Variants in PDE7B observed in about 807,000 individuals in gnomAD.
PDE7B encodes the protein phosphodiesterase 7B.
In PDE7B, 29 loss-of-function variants were observed where a neutral mutation model predicts 56.2. The ratio of observed to expected loss-of-function variants is 0.52; its 90% CI spans 0.38 to 0.70. The LOEUF (loss-of-function observed/expected upper bound fraction) is 0.70, where lower values mean the gene tolerates loss of function less well. Among genes scored for constraint, PDE7B ranks in the 30% least tolerant of loss-of-function variants. PDE7B has a pLI of 0.00. For synonymous variants in PDE7B, 197 were observed against 196.9 expected (o/e 1.00, Z 0.00); for missense variants, 490 against 565.0 (o/e 0.87, Z 1.35).
rs116044075 is a variant in PDE7B, at chr6:136,130,637, G to A, written c.167-16714G>A. 7.6e-3 allele frequency among the ~76,000 whole-genome samples: 1,165 copies of A among 152,304 alleles called. 13 individuals are homozygous for A. Among genetic ancestry groups the A allele is most frequent in the African/African-American group, 0.026 (1,077 of 41,546 alleles). On this transcript the variant is annotated intron_variant, in intron 3 of 12. Coordinates refer to ENST00000308191, the MANE Select transcript of PDE7B (RefSeq NM_018945.4). ...ACATAAGTAGTGAAGGGGATAAAGA[G>A]CCAATCCCATCACCTTCCTCTGGGT...
chr6:135,965,246 T>A (rs973386913), intron 2 of PDE7B, among the ~76,000 whole-genome samples: 3 of 151,958 alleles, frequency 2.0e-5, no homozygotes, highest in Non-Finnish European at 4.4e-5. Flanking sequence ...GGAGTAACAG[T>A]GGTAGAGGCG....
At chr6:136,130,587 C>T (rs1035861984) in intron 3 of PDE7B, among the ~76,000 whole-genome samples, 6 of 152,172 alleles carry the variant, frequency 3.9e-5, no homozygotes, top group Admixed American at 1.3e-4. Flanking sequence ...TAAAACCTTC[C>T]TTACCTGCCA....
intron 2 of PDE7B, among the ~76,000 whole-genome samples, chr6:136,035,861 TTC>T (rs1339677912): frequency 1.3e-5 from 2 of 152,236 alleles, no homozygotes; most frequent in Non-Finnish European, 2.9e-5. Context: ...AAGTGTTGTG[TTC>T]TTAGTACATT....
At chr6:136,086,703 T>C (rs1341253606) in intron 2 of PDE7B, among the ~76,000 whole-genome samples, 1 of 152,234 alleles carries the variant, frequency 6.6e-6, no homozygotes, top group African/African-American at 2.4e-5. Context: ...GGGTGAATTT[T>C]AGTTACATCT....
chr6:135,991,200 C>A (rs1228101193), intron 2 of PDE7B, among the ~76,000 whole-genome samples: 1 of 152,080 alleles, frequency 6.6e-6, no homozygotes, highest in Non-Finnish European at 1.5e-5. Flanking sequence ...ACCTGTATCT[C>A]GTGCCAACAT....
intron 2 of PDE7B, among the ~76,000 whole-genome samples, chr6:136,003,031 C>A (rs1485185569): frequency 6.6e-6 from 1 of 151,730 alleles, no homozygotes; most frequent in Non-Finnish European, 1.5e-5. Context: ...CAAACTAGAA[C>A]TCAGGATTAA....
intron 2 of PDE7B, among the ~76,000 whole-genome samples, chr6:136,027,461 C>T (rs1776171382): frequency 6.6e-6 from 1 of 152,010 alleles, no homozygotes; most frequent in African/African-American, 2.4e-5. Flanking sequence ...AAATAATCAG[C>T]AAAAACATAA....
intron 8 of PDE7B, among the ~76,000 whole-genome samples, chr6:136,158,263 G>A (rs1012685982): frequency 1.3e-5 from 2 of 152,160 alleles, no homozygotes; most frequent in African/African-American, 2.4e-5. Context: ...TTCCTAGGGA[G>A]AGGGTCTATA....
At chr6:135,931,751 T>C (rs1011631874) in intron 1 of PDE7B, among the ~76,000 whole-genome samples, 7 of 152,114 alleles carry the variant, frequency 4.6e-5, no homozygotes, top group African/African-American at 1.7e-4. Flanking sequence ...TTTTGGAACA[T>C]TTTGAGGCTT....
intron 2 of PDE7B, among the ~76,000 whole-genome samples, chr6:136,068,043 T>C (rs1277112612): frequency 2.0e-5 from 3 of 152,212 alleles, no homozygotes; most frequent in Non-Finnish European, 4.4e-5. Flanking sequence ...AACAGTTCAA[T>C]TGTTAGCTGC....
At chr6:136,047,034 T>C (rs1432394040) in intron 2 of PDE7B, among the ~76,000 whole-genome samples, 1 of 152,148 alleles carries the variant, frequency 6.6e-6, no homozygotes, top group Admixed American at 6.5e-5. Flanking sequence ...CCCACGGACA[T>C]ACATCAAAAA....
intron 1 of PDE7B, among the ~76,000 whole-genome samples, chr6:135,932,124 G>C (rs977993964): frequency 2.0e-5 from 3 of 151,962 alleles, no homozygotes; most frequent in African/African-American, 7.3e-5. Context: ...AAATTTATAG[G>C]AAATTCAGGA....
chr6:136,042,236 G>A (rs1776425527), intron 2 of PDE7B, among the ~76,000 whole-genome samples: 1 of 152,206 alleles, frequency 6.6e-6, no homozygotes, highest in African/African-American at 2.4e-5. Context: ...ACCCATGTGG[G>A]GAGTGGGGAG....
intron 2 of PDE7B, among the ~76,000 whole-genome samples, chr6:136,011,161 AAAAACAAAAC>A (rs756137268): frequency 3.3e-5 from 5 of 152,182 alleles, no homozygotes; most frequent in African/African-American, 4.8e-5. Context: ...TCCCCATCAA[AAAAACAAAAC>A]AAAACAAAAC....
Position 136,143,618 on chromosome 6 carries a change from T to TG in PDE7B, c.167-3732dup, listed in dbSNP as rs533474325. Among the ~76,000 whole-genome samples the TG allele has an allele frequency of 3.9e-3, 594 of 152,134 alleles. 3 individuals are homozygous for TG. The highest frequency in any genetic ancestry group is 0.014 in the African/African-American group (563 of 41,542). On this transcript the variant is annotated intron_variant, in intron 3 of 12. Transcript: ENST00000308191. The stretch of plus-strand genomic sequence containing the variant: ...TTACTATTATTCATTTGACTCTAGG[T>TG]GAAGAAAAATAGGTAAGGAATCATG...
chr6:135,934,042 T>C (rs6934255), intron 1 of PDE7B, among the ~76,000 whole-genome samples: 1,532 of 152,284 alleles, frequency 0.01, 30 homozygotes, highest in African/African-American at 0.035. Flanking sequence ...CTCTATTTGG[T>C]ATTTGCATTT....
In PDE7B at chr6:135,934,736, A is replaced by AT. The variant is rs1291569024; in HGVS notation, c.22-12728_22-12727insT. On this transcript the variant is annotated intron_variant, in intron 1 of 12. Coordinates refer to ENST00000308191, the MANE Select transcript of PDE7B (RefSeq NM_018945.4). ...AAGAGTGAAACTCTGTCTCAAAAAAAAAAATATATATATATATATTTTTTA... is the reference window on the plus strand; with the variant it reads ...AAGAGTGAAACTCTGTCTCAAAAAAATAAAATATATATATATATATTTTTTA... Among the ~76,000 whole-genome samples the AT allele has an allele frequency of 0.016, 1,338 of 83,154 alleles. 38 individuals carry two copies. The East Asian group carries it at 0.17, about 10-fold the overall frequency. The allele number at this position is 83,154 out of a possible 152,430, so 54.6% of individuals were successfully genotyped here.
chr6:135,873,841 A>G (rs962549126), intron 1 of PDE7B, among the ~76,000 whole-genome samples: 9 of 152,316 alleles, frequency 5.9e-5, no homozygotes, highest in South Asian at 4.1e-4. Context: ...ACAGACATCC[A>G]TGTATCCACC....
intron 1 of PDE7B, among the ~76,000 whole-genome samples, chr6:135,853,682 A>G (rs1275688770): frequency 1.3e-5 from 2 of 152,226 alleles, no homozygotes; most frequent in Non-Finnish European, 2.9e-5. Context: ...ACAACATGTG[A>G]CAAAATCAGT....
Sources: gnomAD v4.1 joint callset for allele counts (sites outside exome capture counted in the v4.1 genomes callset) on GRCh38, gnomAD v4.1.1 for gene constraint, MANE v1.5 for transcripts, NCBI Gene and HGNC (gene_info 2026-07-23, HGNC 2026-07-21) for gene names.